Variants in ARHGAP29 observed in about 807,000 individuals in gnomAD.
ARHGAP29 encodes the protein rho GTPase-activating protein 29.
ARHGAP29 carries 43 observed loss-of-function variants against 122.6 expected under a neutral mutation model. That is an observed-to-expected ratio of 0.35 (90% CI 0.27 to 0.45). The LOEUF is 0.45. Among genes scored for constraint, ARHGAP29 ranks in the 20% least tolerant of loss-of-function variants. The pLI, the probability that ARHGAP29 is intolerant of heterozygous loss-of-function variation, is 1.00. For missense variants in ARHGAP29, 1,303 were observed against 1,477.2 expected (o/e 0.88, Z 1.93); for synonymous variants, 506 against 497.1 (o/e 1.02, Z -0.24).
chr1:94,288,999 T>C, the ARHGAP29 span, among the ~76,000 whole-genome samples: 2 of 152,190 alleles, frequency 1.3e-5, no homozygotes, highest in East Asian at 3.8e-4. Context: ...CATATGAAAT[T>C]TTAAGTAGTT....
At chr1:94,232,132 G>A (rs1378852202) in intron 1 of ARHGAP29, among the ~76,000 whole-genome samples, 1 of 151,946 alleles carries the variant, frequency 6.6e-6, no homozygotes, top group Admixed American at 6.5e-5. Flanking sequence ...GATGAGATAT[G>A]GGCTTTGAAA....
chr1:94,210,073 T>C (rs1433267838), intron 3 of ARHGAP29, among the ~76,000 whole-genome samples: 3 of 152,222 alleles, frequency 2.0e-5, no homozygotes, highest in Non-Finnish European at 2.9e-5. Context: ...TTATTTTAAC[T>C]TCTGTATACA....
chr1:94,295,716 C>CTCCACACAATGTGGAATCTACTAAT, the ARHGAP29 span, among the ~76,000 whole-genome samples: 1 of 88,006 alleles, frequency 1.1e-5, no homozygotes, highest in Non-Finnish European at 2.2e-5. Context: ...GGAATTCTAA[C>CTCCACACAATGTGGAATCTACTAAT]TCCACACAAT....
At chr1:94,218,842 A>T (rs1652111721) in intron 3 of ARHGAP29, among the ~76,000 whole-genome samples, 1 of 152,116 alleles carries the variant, frequency 6.6e-6, no homozygotes, top group Non-Finnish European at 1.5e-5. Flanking sequence ...TTTGTAGACA[A>T]GGTTTTTATT....
In ARHGAP29 at chr1:94,172,321, G is replaced by A. The variant is rs1488695336; in HGVS notation, c.*1548C>T. 1 of 151,878 alleles carries A rather than the reference G, an allele frequency of 6.6e-6. No homozygotes were observed. Among genetic ancestry groups the A allele is most frequent in the Non-Finnish European group, 1.5e-5 (1 of 67,982 alleles). 9.4% of individuals were successfully genotyped at this position (151,878 alleles called of 1,614,324 possible). A position where few individuals can be genotyped will look rare whatever the true frequency, so the allele number is the denominator to read the frequency against. On this transcript the variant is annotated 3_prime_UTR_variant, in exon 23 of 23. Transcript: ENST00000260526. Reference sequence around the variant, plus strand: ...CACAGAGAAGGCTCAATACACATGGGCTCTAATTTTCTTTTTAGGTATTCA... The same window carrying A: ...CACAGAGAAGGCTCAATACACATGGACTCTAATTTTCTTTTTAGGTATTCA...
At chr1:94,300,702 T>G in the ARHGAP29 span, among the ~76,000 whole-genome samples, 7 of 152,338 alleles carry the variant, frequency 4.6e-5, 1 homozygote, top group African/African-American at 1.7e-4. Flanking sequence ...GGGACCATAT[T>G]TATTTTCTCA....
the ARHGAP29 span, among the ~76,000 whole-genome samples, chr1:94,289,638 T>C: frequency 6.6e-6 from 1 of 152,204 alleles, no homozygotes; most frequent in Non-Finnish European, 1.5e-5. Context: ...CTGTCATAAA[T>C]AGCTCTTATT....
At chr1:94,263,970 A>G (rs1654657754) in intron 1 of ARHGAP29, among the ~76,000 whole-genome samples, 1 of 152,180 alleles carries the variant, frequency 6.6e-6, no homozygotes, top group Non-Finnish European at 1.5e-5. Flanking sequence ...TTTGGGTATA[A>G]GTAACACAGT....
At chr1:94,189,403 TAATC>T (rs1212571829) in intron 13 of ARHGAP29, 51 bp from the exon 14 acceptor site, 27 of 1,521,736 alleles carry the variant, frequency 1.8e-5, no homozygotes, top group Non-Finnish European at 2.2e-5. Context: ...CAAAGAATAA[TAATC>T]AGTTGATTTC....
At chr1:94,199,338 A>AT (rs1239654226) in intron 12 of ARHGAP29, among the ~76,000 whole-genome samples, 14 of 152,236 alleles carry the variant, frequency 9.2e-5, no homozygotes, top group African/African-American at 3.1e-4. Context: ...ATGCAGAGGC[A>AT]ATTTAATGAA....
At chr1:94,302,955 G>T in the ARHGAP29 span, 2 of 177,532 alleles carry the variant, frequency 1.1e-5, no homozygotes, top group Non-Finnish European at 2.4e-5. Context: ...CTCGTTTCCG[G>T]GTATGACAAT....
At chr1:94,202,276 C>T (rs1434213295) in intron 11 of ARHGAP29, 3 of 555,786 alleles carry the variant, frequency 5.4e-6, no homozygotes, top group Admixed American at 7.1e-5. Context: ...TAAACTACTG[C>T]CTTCTCTAAG....
In ARHGAP29 at chr1:94,173,763, G is replaced by A; in HGVS notation, c.*106C>T. Reference sequence around the variant, plus strand: ...CAACAAAAGGCAAAACCCATGATTTGGCAGTCCTATACAAAAGAGGCCCTG... The same window carrying A: ...CAACAAAAGGCAAAACCCATGATTTAGCAGTCCTATACAAAAGAGGCCCTG... On this transcript the variant is annotated 3_prime_UTR_variant, in exon 23 of 23. Transcript: ENST00000260526. 2 of 1,352,732 alleles carry A rather than the reference G, an allele frequency of 1.5e-6. No individual in the cohort carries two copies. Among genetic ancestry groups the A allele is most frequent in the Non-Finnish European group, 2.0e-6 (2 of 999,268 alleles). The allele number at this position is 1,352,732 out of a possible 1,614,324, so 83.8% of individuals were successfully genotyped here.
intron 1 of ARHGAP29, among the ~76,000 whole-genome samples, chr1:94,256,800 C>T (rs923685615): frequency 5.3e-5 from 8 of 151,406 alleles, no homozygotes; most frequent in African/African-American, 1.7e-4. Context: ...CCTCGTGATC[C>T]GCCCGCCTCA....
the ARHGAP29 span, among the ~76,000 whole-genome samples, chr1:94,314,586 C>G: frequency 6.6e-6 from 1 of 152,198 alleles, no homozygotes; most frequent in Non-Finnish European, 1.5e-5. Flanking sequence ...AGACAGACCC[C>G]TTTGCTGGCT....
chr1:94,295,469 C>T, the ARHGAP29 span, among the ~76,000 whole-genome samples: 1 of 151,826 alleles, frequency 6.6e-6, no homozygotes, highest in Non-Finnish European at 1.5e-5. Context: ...TGTACTCAGA[C>T]ATTGTACAAT....
intron 6 of ARHGAP29, 47 bp from the exon 7 acceptor site, chr1:94,205,245 T>A: frequency 4.3e-6 from 6 of 1,400,378 alleles, no homozygotes; most frequent in Non-Finnish European, 5.7e-6. Context: ...TGTGATCACA[T>A]CATAACTCCA....
intron 15 of ARHGAP29, among the ~76,000 whole-genome samples, chr1:94,187,150 T>C (rs1324588525): frequency 6.6e-6 from 1 of 152,198 alleles, no homozygotes; most frequent in African/African-American, 2.4e-5. Flanking sequence ...GACCACAGGA[T>C]ACAAGCTATG....
At chr1:94,241,119 T>C (rs576702154), upstream of ARHGAP29, among the ~76,000 whole-genome samples, 3 of 152,168 alleles carry the variant, frequency 2.0e-5, no homozygotes, top group African/African-American at 4.8e-5. Context: ...AGGTCAATAG[T>C]GTCAAGGTGA....
Sources: allele counts gnomAD v4.1 joint callset (sites outside exome capture counted in the v4.1 genomes callset), GRCh38; gene constraint gnomAD v4.1.1; transcripts MANE v1.5; gene names NCBI Gene and HGNC (gene_info 2026-07-23, HGNC 2026-07-21).